The following VPS13B variants were observed in gnomAD, a reference collection of about 807,000 sequenced individuals.
VPS13B encodes intermembrane lipid transfer protein VPS13B.
A neutral mutation model predicts 426.4 loss-of-function variants in VPS13B; 285 were observed. That is an observed-to-expected ratio of 0.67 (90% confidence interval 0.61 to 0.74). The LOEUF is 0.74. Among genes scored for constraint, VPS13B ranks in the 30% least tolerant of loss-of-function variants. The pLI is 0.00. For missense variants in VPS13B, 4,537 were observed against 4,782.6 expected, an observed-to-expected ratio of 0.95 and a Z score of 1.51; for synonymous variants, 1,676 against 1,676.4, an observed-to-expected ratio of 1.00 and a Z score of 0.01.
chr8:99,029,244 G>A (rs551357957), intron 2 of VPS13B, among the ~76,000 whole-genome samples: 180 of 142,586 alleles, frequency 1.3e-3, no homozygotes, highest in Non-Finnish European at 2.2e-3. Flanking sequence ...GGCGCTCCTC[G>A]CTTCCTAGAT....
intron 4 of VPS13B, among the ~76,000 whole-genome samples, chr8:99,100,872 C>G (rs1846695346): frequency 6.6e-6 from 1 of 151,732 alleles, no homozygotes. Flanking sequence ...GAAACCCCAT[C>G]TCTACTAAAA....
chr8:99,329,116 T>C (rs982256630), intron 19 of VPS13B, among the ~76,000 whole-genome samples: 1 of 152,142 alleles, frequency 6.6e-6, no homozygotes, highest in African/African-American at 2.4e-5. Context: ...CTAAGATTCC[T>C]TCCAGTTGGG....
Position 99,854,023 on chromosome 8 carries a change from T to A in VPS13B, c.10634T>A (p.Met3545Lys), listed in dbSNP as rs1816426749. The A allele has an allele frequency of 1.2e-6, 2 of 1,614,232 alleles. No homozygotes were observed. Among genetic ancestry groups the A allele is most frequent in the Non-Finnish European group, 1.7e-6 (2 of 1,180,040 alleles). ...TCCGGGGGTAAACAGGTGTTGCCCA[T>A]GCAGGTCACACAGCACGCCAGGGCC... ...HLSGGKQVLP[M>K]QVTQHARALV... The change falls in exon 56 of 62, where the codon ATG becomes AAG. Residue 3545 changes from methionine to lysine, a missense_variant. Physicochemically the swap from Met to Lys is moderately conservative, Grantham distance 95. This residue lies in a region of VPS13B where 4,311 missense variants were observed against 4,474.3 expected (regional missense o/e 0.96). Coordinates refer to ENST00000357162, the MANE Select transcript of VPS13B (RefSeq NM_152564.5).
chr8:99,816,200 T>TC (rs1814027958), intron 44 of VPS13B, among the ~76,000 whole-genome samples: 1 of 151,986 alleles, frequency 6.6e-6, no homozygotes, highest in South Asian at 2.1e-4. Context: ...CCTGCCAGGT[T>TC]CAAGTGATTC....
chr8:99,853,747 C>T lies in VPS13B; in HGVS notation c.10358C>T (p.Pro3453Leu). The change falls in exon 56 of 62, where the codon CCC (proline) becomes CTC (leucine). Residue 3453 changes from proline (P) to leucine (L), a missense_variant. By Grantham distance (98) the Pro-to-Leu change is moderately conservative (BLOSUM62 -3). Transcript: ENST00000357162. Reference protein sequence around the residue: ...VLVCQGEKAEPIQCSKMQSLL... With the variant: ...VLVCQGEKAELIQCSKMQSLL... ...GTCTGCCAGGGAGAAAAAGCAGAAC[C>T]CATTCAGTGTTCCAAAATGCAGAGT... 1 of 1,614,152 alleles carries T rather than the reference C, an allele frequency of 6.2e-7. No individual in the cohort carries two copies. The highest frequency in any genetic ancestry group is 8.5e-7 in the Non-Finnish European group (1 of 1,180,020).
intron 30 of VPS13B, among the ~76,000 whole-genome samples, chr8:99,532,741 AT>A (rs758918369): frequency 1.7e-4 from 6 of 34,848 alleles, no homozygotes; most frequent in African/African-American, 6.8e-4. Context: ...TATTCACTTT[AT>A]TTCATTGTAT....
At chr8:99,679,291 G>T (rs1831061554) in intron 35 of VPS13B, among the ~76,000 whole-genome samples, 1 of 152,106 alleles carries the variant, frequency 6.6e-6, no homozygotes, top group East Asian at 1.9e-4. Flanking sequence ...AACAAAGGAT[G>T]ACATAGGCAC....
Position 99,275,144 on chromosome 8 carries a change from A to C in VPS13B, c.2714A>C (p.His905Pro). The C allele has an allele frequency of 6.2e-7, 1 of 1,612,912 alleles. No individual in the cohort carries two copies. The highest frequency in any genetic ancestry group is 8.5e-7 in the Non-Finnish European group (1 of 1,179,304). ...LQGPSDTKDLHSTKWLNESRK... is the reference protein window; with the variant it reads ...LQGPSDTKDLPSTKWLNESRK... ...GGTCCTTCTGACACTAAAGACCTTC[A>C]TAGCACCAAGTGGCTCAATGAGAGT... The change falls in exon 19 of 62, where the codon CAT becomes CCT. Residue 905 changes from histidine to proline, a missense_variant. This residue lies in a region of VPS13B where 4,311 missense variants were observed against 4,474.3 expected (regional missense o/e 0.96). Coordinates refer to ENST00000357162, the MANE Select transcript of VPS13B (RefSeq NM_152564.5).
At chr8:99,756,030 T>C (rs865943585) in intron 39 of VPS13B, among the ~76,000 whole-genome samples, 6 of 152,046 alleles carry the variant, frequency 3.9e-5, no homozygotes, top group Non-Finnish European at 5.9e-5. Context: ...GTTGGACTTA[T>C]TAGACAAATA....
chr8:99,559,584 T>G (rs1824782163), intron 31 of VPS13B, among the ~76,000 whole-genome samples: 1 of 152,204 alleles, frequency 6.6e-6, no homozygotes, highest in South Asian at 2.1e-4. Context: ...AATTTTTGTA[T>G]AAGGTGTAAG....
intron 42 of VPS13B, among the ~76,000 whole-genome samples, chr8:99,779,472 G>A (rs1811905007): frequency 6.6e-6 from 1 of 152,152 alleles, no homozygotes; most frequent in South Asian, 2.1e-4. Flanking sequence ...AAAGCAGCGA[G>A]ATGAAATATG....
chr8:99,370,417 G>C (rs1240778466), intron 19 of VPS13B, among the ~76,000 whole-genome samples: 1 of 152,106 alleles, frequency 6.6e-6, no homozygotes, highest in Non-Finnish European at 1.5e-5. Flanking sequence ...GGTCAACAGG[G>C]AGAGTGCCAC....
chr8:99,489,492 G>A (rs1820484397), intron 25 of VPS13B, among the ~76,000 whole-genome samples: 1 of 151,982 alleles, frequency 6.6e-6, no homozygotes, highest in Admixed American at 6.6e-5. Context: ...ATTACCTTGG[G>A]CAGTATGGCC....
chr8:99,429,161 T>G lies in VPS13B; in HGVS notation c.3083-2376T>G, dbSNP rs963748926. Among the ~76,000 whole-genome samples, 11 of 151,812 alleles carry G rather than the reference T, an allele frequency of 7.2e-5. No homozygotes were observed. The South Asian group carries it at 8.3e-4, about 11-fold the overall frequency. ...GTGGGGAGTGGGGAGGGATAGCATT[T>G]GGAGATATACCTAATGTTAAATGAA... On this transcript the variant is annotated intron_variant, in intron 21 of 61. Coordinates refer to ENST00000357162, the MANE Select transcript of VPS13B (RefSeq NM_152564.5).
intron 31 of VPS13B, among the ~76,000 whole-genome samples, chr8:99,572,291 T>A (rs939083744): frequency 6.6e-5 from 10 of 152,198 alleles, no homozygotes; most frequent in Non-Finnish European, 1.5e-4. Flanking sequence ...TCTTTTACCA[T>A]GTACTTCCTT....
At chr8:99,140,705 T>TCCG (rs1810370911) in intron 12 of VPS13B, among the ~76,000 whole-genome samples, 1 of 139,110 alleles carries the variant, frequency 7.2e-6, no homozygotes, top group Non-Finnish European at 1.5e-5. Flanking sequence ...CTCCTCCTCC[T>TCCG]TCTCCTTCTT....
intron 25 of VPS13B, among the ~76,000 whole-genome samples, chr8:99,499,600 T>C (rs1051778160): frequency 2.0e-5 from 3 of 152,192 alleles, no homozygotes; most frequent in African/African-American, 7.2e-5. Flanking sequence ...TTTTATTAGA[T>C]GTTGTGTTGC....
chr8:99,417,624 T>C (rs182206485), intron 21 of VPS13B, among the ~76,000 whole-genome samples: 1 of 152,328 alleles, frequency 6.6e-6, no homozygotes, highest in African/African-American at 2.4e-5. Context: ...GTGGATTAAT[T>C]TGGTAATCTA....
At chr8:99,832,743 C>A in intron 52 of VPS13B, 91 bp downstream of exon 52, 1 of 1,320,240 alleles carries the variant, frequency 7.6e-7, no homozygotes, top group Non-Finnish European at 1.1e-6. Context: ...GGTCGCAGGG[C>A]TCCCCATATG....
Sources: allele counts gnomAD v4.1 joint callset (sites outside exome capture counted in the v4.1 genomes callset), GRCh38; gene constraint gnomAD v4.1.1; regional missense constraint gnomAD v4.1.1; transcripts MANE v1.5; gene names NCBI Gene and HGNC (gene_info 2026-07-23, HGNC 2026-07-21).